The following MSRA variants were observed in gnomAD, a reference collection of about 807,000 sequenced individuals.
MSRA encodes methionine sulfoxide reductase A.
Under a neutral mutation model 31.3 loss-of-function variants are expected in MSRA, and 54 were observed. The observed-to-expected ratio is 1.73, with a 90% CI of 1.39 to 2.17. The LOEUF is 2.17. Among genes scored for constraint, MSRA ranks in the 30% most tolerant of loss-of-function variants. The pLI is 0.00. For synonymous variants in MSRA, 169 were observed against 116.5 expected, an observed-to-expected ratio of 1.45 and a Z score of -2.90; for missense variants, 507 against 300.9, an observed-to-expected ratio of 1.69 and a Z score of -5.07.
intron 5 of MSRA, among the ~76,000 whole-genome samples, chr8:10,415,188 C>A (rs1167700288): frequency 6.6e-6 from 1 of 152,300 alleles, no homozygotes; most frequent in Non-Finnish European, 1.5e-5. Flanking sequence ...AGACCTGCAG[C>A]CAGCCCTGTC....
intron 5 of MSRA, among the ~76,000 whole-genome samples, chr8:10,348,553 A>G (rs953404926): frequency 6.6e-6 from 1 of 151,704 alleles, no homozygotes; most frequent in Non-Finnish European, 1.5e-5. Flanking sequence ...TATTTTTAGT[A>G]GAGACGGGGT....
intron 5 of MSRA, among the ~76,000 whole-genome samples, chr8:10,403,469 C>T (rs1342963679): frequency 6.6e-6 from 1 of 152,224 alleles, no homozygotes; most frequent in African/African-American, 2.4e-5. Flanking sequence ...TCCTGGATGG[C>T]TAGGCCCTGG....
intron 1 of MSRA, among the ~76,000 whole-genome samples, chr8:10,176,979 C>T (rs1806107174): frequency 6.6e-6 from 1 of 152,178 alleles, no homozygotes; most frequent in Admixed American, 6.5e-5. Context: ...TGTAACCTCA[C>T]CCAGTTTCAT....
intron 4 of MSRA, among the ~76,000 whole-genome samples, chr8:10,308,554 C>T (rs1437294355): frequency 6.6e-6 from 1 of 152,212 alleles, no homozygotes; most frequent in Admixed American, 6.5e-5. Context: ...AAGCACTTTG[C>T]CGGTTGCCCG....
intron 3 of MSRA, among the ~76,000 whole-genome samples, chr8:10,282,402 A>G (rs1799669383): frequency 1.3e-5 from 2 of 152,244 alleles, no homozygotes; most frequent in African/African-American, 2.4e-5. Flanking sequence ...CATAATGGAT[A>G]TCTGCCAAGA....
intron 1 of MSRA, among the ~76,000 whole-genome samples, chr8:10,159,906 T>A (rs1430835796): frequency 2.0e-5 from 3 of 152,238 alleles, no homozygotes; most frequent in South Asian, 2.1e-4. Flanking sequence ...TAATTCTTAC[T>A]GGAATTTTGT....
chr8:10,262,385 G>A (rs1798529411), intron 3 of MSRA, among the ~76,000 whole-genome samples: 2 of 152,192 alleles, frequency 1.3e-5, no homozygotes, highest in African/African-American at 2.4e-5. Flanking sequence ...CCAGCATTTG[G>A]TGTTGTTGGT....
At chr8:10,244,203 T>G (rs140390960) in intron 2 of MSRA, among the ~76,000 whole-genome samples, 2,530 of 152,294 alleles carry the variant, frequency 0.017, 27 homozygotes, top group Non-Finnish European at 0.027. Context: ...AAAATTTGAG[T>G]GAGGCAGTAA....
chr8:10,154,225 C>T (rs1803953963), intron 1 of MSRA, among the ~76,000 whole-genome samples: 1 of 152,144 alleles, frequency 6.6e-6, no homozygotes, highest in African/African-American at 2.4e-5. Flanking sequence ...TGCTTGAAAA[C>T]CTTGCGGAAG....
At chr8:10,161,454 G>A (rs1804638468) in intron 1 of MSRA, among the ~76,000 whole-genome samples, 1 of 152,206 alleles carries the variant, frequency 6.6e-6, no homozygotes, top group South Asian at 2.1e-4. Context: ...TTCCATAGAA[G>A]CGCTAAGTAG....
intron 1 of MSRA, among the ~76,000 whole-genome samples, chr8:10,100,176 G>C (rs1799439017): frequency 6.6e-6 from 1 of 152,222 alleles, no homozygotes; most frequent in Non-Finnish European, 1.5e-5. Context: ...AGGTGTTATT[G>C]AGGGGCTGCA....
chr8:10,225,674 C>A (rs1395513857), intron 2 of MSRA, among the ~76,000 whole-genome samples: 1 of 152,166 alleles, frequency 6.6e-6, no homozygotes, highest in African/African-American at 2.4e-5. Context: ...GTTGATGGGC[C>A]GATGTTCTTT....
At chr8:10,228,990 T>G (rs1585220877) in intron 2 of MSRA, among the ~76,000 whole-genome samples, 1 of 152,176 alleles carries the variant, frequency 6.6e-6, no homozygotes, top group Non-Finnish European at 1.5e-5. Flanking sequence ...ACAGTTAAAG[T>G]TGAGGAGAAG....
chr8:10,098,358 G>A (rs759521026), intron 1 of MSRA, among the ~76,000 whole-genome samples: 1 of 152,040 alleles, frequency 6.6e-6, no homozygotes, highest in Non-Finnish European at 1.5e-5. Context: ...CCATTTTGAT[G>A]TATGTACCTG....
At chr8:10,364,646 G>A (rs1396869760) in intron 5 of MSRA, among the ~76,000 whole-genome samples, 1 of 152,230 alleles carries the variant, frequency 6.6e-6, no homozygotes, top group African/African-American at 2.4e-5. Flanking sequence ...TGCAGTGTGA[G>A]TGACCTTCTT....
chr8:10,347,468 C>G (rs755695062), intron 5 of MSRA, among the ~76,000 whole-genome samples: 2 of 152,180 alleles, frequency 1.3e-5, no homozygotes, highest in Admixed American at 1.3e-4. Flanking sequence ...CTGCCTTGCC[C>G]CCTGCAGCTA....
intron 1 of MSRA, among the ~76,000 whole-genome samples, chr8:10,139,941 C>G (rs1413604585): frequency 2.0e-5 from 3 of 152,102 alleles, no homozygotes; most frequent in African/African-American, 7.2e-5. Flanking sequence ...CTGTTCTTAC[C>G]CATCGCTGGG....
intron 2 of MSRA, among the ~76,000 whole-genome samples, chr8:10,234,672 C>T (rs1198652627): frequency 6.6e-6 from 1 of 151,894 alleles, no homozygotes; most frequent in Non-Finnish European, 1.5e-5. Context: ...AACCAAAATC[C>T]TGTTATATGC....
chr8:10,056,143 G>C (rs1024140937), intron 1 of MSRA, among the ~76,000 whole-genome samples: 1 of 140,580 alleles, frequency 7.1e-6, no homozygotes, highest in Non-Finnish European at 1.5e-5. Context: ...TCCTCAGCTT[G>C]TGCTATACTT....
Sources: gnomAD v4.1 joint callset for allele counts (sites outside exome capture counted in the v4.1 genomes callset) on GRCh38, gnomAD v4.1.1 for gene constraint, MANE v1.5 for transcripts, NCBI Gene and HGNC (gene_info 2026-07-23, HGNC 2026-07-21) for gene names.